Variants in PALLD observed in about 807,000 individuals in gnomAD.
PALLD encodes the protein palladin, cytoskeletal associated protein, also known as palladin.
In PALLD, 61 loss-of-function variants were observed where a neutral mutation model predicts 123.5. The ratio of observed to expected loss-of-function variants is 0.49; its 90% confidence interval spans 0.40 to 0.61. The LOEUF (loss-of-function observed/expected upper bound fraction) is 0.61, where lower values mean the gene tolerates loss of function less well. PALLD is among the 20% of genes least tolerant of loss of function. The pLI is 0.00. For synonymous variants in PALLD, 465 were observed against 496.4 expected, an observed-to-expected ratio of 0.94 and a Z score of 0.84; for missense variants, 1,273 against 1,377.0, an observed-to-expected ratio of 0.92 and a Z score of 1.20.
chr4:168,539,895 CGATT>C (rs1230617819), intron 2 of PALLD, among the ~76,000 whole-genome samples: 9 of 152,014 alleles, frequency 5.9e-5, no homozygotes, highest in African/African-American at 2.2e-4. Flanking sequence ...GCTTGGGGTA[CGATT>C]GATCTGGTCA....
intron 2 of PALLD, among the ~76,000 whole-genome samples, chr4:168,629,720 C>G (rs984504722): frequency 1.3e-5 from 2 of 151,954 alleles, no homozygotes; most frequent in African/African-American, 4.8e-5. Flanking sequence ...AACCGCGTAA[C>G]GTTGGGATAG....
intron 6 of PALLD, among the ~76,000 whole-genome samples, chr4:168,687,410 G>A (rs1183261708): frequency 2.0e-5 from 3 of 152,200 alleles, no homozygotes; most frequent in Non-Finnish European, 2.9e-5. Context: ...TTACAGAGGG[G>A]TGGACACTCC....
chr4:168,617,288 T>A (rs1774321358), intron 2 of PALLD, among the ~76,000 whole-genome samples: 1 of 152,102 alleles, frequency 6.6e-6, no homozygotes, highest in African/African-American at 2.4e-5. Context: ...TGGAGTAGGG[T>A]AGACGGTATG....
intron 2 of PALLD, among the ~76,000 whole-genome samples, chr4:168,523,280 G>C (rs910766195): frequency 1.3e-5 from 2 of 150,398 alleles, no homozygotes; most frequent in African/African-American, 4.9e-5. Flanking sequence ...GGAAGGAGGG[G>C]GGAGGGAGGA....
At chr4:168,504,901 A>C (rs1761847824) in intron 1 of PALLD, 1 of 152,204 alleles carries the variant, frequency 6.6e-6, no homozygotes. Flanking sequence ...CAGCAGTATT[A>C]GTGGGTCTTT....
At chr4:168,617,752 A>G (rs1372912801) in intron 2 of PALLD, among the ~76,000 whole-genome samples, 2 of 152,234 alleles carry the variant, frequency 1.3e-5, no homozygotes, top group Non-Finnish European at 2.9e-5. Flanking sequence ...ATGAGGCTTA[A>G]ATGCTATACG....
intron 8 of PALLD, among the ~76,000 whole-genome samples, chr4:168,694,233 A>C (rs956339691): frequency 2.0e-4 from 31 of 152,224 alleles, no homozygotes; most frequent in African/African-American, 7.2e-4. Context: ...TGTTAAGTGG[A>C]AGGAAGAAAA....
At chr4:168,850,003 C>T (rs1747510477) in intron 10 of PALLD, among the ~76,000 whole-genome samples, 1 of 152,142 alleles carries the variant, frequency 6.6e-6, no homozygotes, top group African/African-American at 2.4e-5. Context: ...GAATAAACTC[C>T]TATCCAGTTT....
At chr4:168,883,151 A>G (rs940345636) in intron 10 of PALLD, among the ~76,000 whole-genome samples, 1 of 151,926 alleles carries the variant, frequency 6.6e-6, no homozygotes, top group East Asian at 1.9e-4. Context: ...AACCCAAAAT[A>G]TAATATGAGG....
rs557228426 is a variant in PALLD at position 168,540,384 on chromosome 4, C to T, written c.908+27972C>T. 9.4e-4 allele frequency among the ~76,000 whole-genome samples: 143 copies of T among 152,316 alleles called. No individual in the cohort carries two copies. In the Middle Eastern group the frequency reaches 0.051, roughly 54 times the overall value. On this transcript the variant is annotated intron_variant, in intron 2 of 21. Transcript: ENST00000505667. ...TGCCTGTTACAGTCATTGTGTCTTT[C>T]TCTAGGCTTCTTTCTGTTTCCGAAA...
intron 2 of PALLD, among the ~76,000 whole-genome samples, chr4:168,540,771 C>G (rs972915322): frequency 6.6e-6 from 1 of 151,672 alleles, no homozygotes; most frequent in African/African-American, 2.4e-5. Flanking sequence ...CTCCAAGCCC[C>G]CTTTTTAATG....
At chr4:168,554,370 A>G (rs976355641) in intron 2 of PALLD, among the ~76,000 whole-genome samples, 4 of 152,258 alleles carry the variant, frequency 2.6e-5, no homozygotes, top group South Asian at 4.1e-4. Context: ...CAGACCGCCA[A>G]TGATTAGTGG....
chr4:168,680,084 TCTA>T (rs1781391140), intron 3 of PALLD, among the ~76,000 whole-genome samples: 1 of 152,132 alleles, frequency 6.6e-6, no homozygotes, highest in Non-Finnish European at 1.5e-5. Flanking sequence ...GTATTCTAAA[TCTA>T]CTGATAGGCA....
chr4:168,921,592 C>T lies in PALLD; in HGVS notation c.2909C>T (p.Pro970Leu). The T allele has an allele frequency of 6.2e-7, 1 of 1,610,148 alleles. No homozygotes were observed. The highest frequency in any genetic ancestry group is 8.5e-7 in the Non-Finnish European group (1 of 1,179,352). The change falls in exon 18 of 22, where the codon CCT becomes CTT. Residue 970 changes from proline (P) to leucine (L), a missense_variant. By Grantham distance (98) the Pro-to-Leu change is moderately conservative. This residue lies in a region of PALLD where 329 missense variants were observed against 422.5 expected (regional missense o/e 0.78). Coordinates refer to ENST00000505667, the MANE Select transcript of PALLD (RefSeq NM_001166108.2). ...SWQLDGKPVR[P>L]DSAHKMLVRE... ...CAACTAGATGGAAAGCCCGTACGCC[C>T]TGACAGTGCTCACAAGATGCTGGTG...
intron 2 of PALLD, among the ~76,000 whole-genome samples, chr4:168,584,029 A>C (rs1724497335): frequency 6.6e-6 from 1 of 152,200 alleles, no homozygotes; most frequent in Admixed American, 6.5e-5. Flanking sequence ...GTGGGTGCAT[A>C]TGAAGCTAAT....
chr4:168,674,862 T>C (rs775701495), intron 3 of PALLD, among the ~76,000 whole-genome samples: 32 of 152,170 alleles, frequency 2.1e-4, no homozygotes, highest in Non-Finnish European at 4.4e-4. Flanking sequence ...ACAATGTGTG[T>C]GTTTTCAGGC....
intron 10 of PALLD, among the ~76,000 whole-genome samples, chr4:168,732,678 A>G (rs185337598): frequency 9.2e-5 from 14 of 152,338 alleles, no homozygotes; most frequent in Non-Finnish European, 1.6e-4. Flanking sequence ...TTTCTTTTCT[A>G]ATCTCGACGT....
intron 10 of PALLD, among the ~76,000 whole-genome samples, chr4:168,849,519 G>C (rs141085978): frequency 8.6e-4 from 131 of 152,306 alleles, no homozygotes; most frequent in Non-Finnish European, 1.7e-3. Flanking sequence ...AATCTGGAGA[G>C]AACTGAATGT....
intron 10 of PALLD, among the ~76,000 whole-genome samples, chr4:168,821,337 C>G (rs1742681932): frequency 6.6e-6 from 1 of 152,156 alleles, no homozygotes; most frequent in Non-Finnish European, 1.5e-5. Flanking sequence ...AAAACATTAT[C>G]TGATGAGTTG....
Sources: allele counts gnomAD v4.1 joint callset (sites outside exome capture counted in the v4.1 genomes callset), GRCh38; gene constraint gnomAD v4.1.1; regional missense constraint gnomAD v4.1.1; transcripts MANE v1.5; gene names NCBI Gene and HGNC (gene_info 2026-07-23, HGNC 2026-07-21).